The following PTCH1 variants were observed in gnomAD, a reference collection of about 807,000 sequenced individuals.
PTCH1 encodes the protein patched 1.
A neutral mutation model predicts 144.6 loss-of-function variants in PTCH1; 14 were observed. The ratio of observed to expected loss-of-function variants is 0.10; its 90% CI spans 0.06 to 0.15. The LOEUF (loss-of-function observed/expected upper bound fraction) is 0.15. Ranked by LOEUF, PTCH1 falls within the 10% of genes least tolerant of loss-of-function variation. The pLI is 1.00. For missense variants in PTCH1, 1,623 were observed against 1,948.3 expected (o/e 0.83, Z 3.14); for synonymous variants, 833 against 793.6 (o/e 1.05, Z -0.83).
rs376799601 is a variant in PTCH1 at position 95,467,347 on chromosome 9, G to C, written c.2329C>G (p.Leu777Val). Residue 777 changes from leucine to valine, a missense_variant, in exon 15 of 24, where the codon CTT becomes GTT. Transcript: ENST00000331920. ...GTTRVRDGLD[L>V]TDIVPRETRE... ...GTTTCCCGAGGTACAATGTCCGTAA[G>C]GTCCAGCCCGTCTCTCACTCGGGTG... The C allele has an allele frequency of 6.2e-7, 1 of 1,614,204 alleles. No individual in the cohort carries two copies. Among genetic ancestry groups the C allele is most frequent in the Admixed American group, 1.7e-5 (1 of 60,030 alleles).
At chr9:95,488,480 A>G (rs1338856518) in intron 2 of PTCH1, among the ~76,000 whole-genome samples, 2 of 152,226 alleles carry the variant, frequency 1.3e-5, no homozygotes, top group East Asian at 3.8e-4. Context: ...ATTTTATCTA[A>G]TATTTCATCT....
intron 15 of PTCH1, 63 bp from the exon 16 acceptor site, chr9:95,462,061 G>A (rs2274691): frequency 2.5e-6 from 4 of 1,602,572 alleles, no homozygotes; most frequent in East Asian, 2.2e-5. Context: ...TGGTCCTAGC[G>A]GGGTGGGCTG....
In PTCH1 at chr9:95,509,202, G is replaced by A. The variant is rs1844008530; in HGVS notation, c.-841C>T. Among the ~76,000 whole-genome samples the A allele has an allele frequency of 6.7e-6, 1 of 149,838 alleles. No homozygotes were observed. Among genetic ancestry groups the A allele is most frequent in the Non-Finnish European group, 1.5e-5 (1 of 67,566 alleles). On this transcript the variant is annotated 5_prime_UTR_variant, in exon 1 of 24. Transcript: ENST00000331920. Reference sequence around the variant, plus strand: ...AGCTCCTTGATTCAATAGATGAGATGGAAGAAGAAAAAAAAGAACTCTCTC... The same window carrying A: ...AGCTCCTTGATTCAATAGATGAGATAGAAGAAGAAAAAAAAGAACTCTCTC...
chr9:95,450,176 GA>G (rs1838342186), intron 20 of PTCH1: 1 of 544,646 alleles, frequency 1.8e-6, no homozygotes, highest in Non-Finnish European at 3.3e-6. Context: ...TTCATGAAGG[GA>G]AGAAAAAAAA....
rs536440590 is a variant in PTCH1, at chr9:95,447,303, G to C, written c.3953C>G (p.Pro1318Arg). The change falls in exon 23 of 24, where the codon CCG becomes CGG. Residue 1318 changes from proline (P) to arginine (R), a missense_variant. Physicochemically the swap from Pro to Arg is moderately radical, Grantham distance 103 (BLOSUM62 -2). Around this residue, in one of 7 missense-constraint regions of PTCH1, gnomAD observed 291 missense variants for 287.4 expected, o/e 1.01. Transcript: ENST00000331920. ...AGAAATTTCAAAAGCGTCTCTGCGCGGTCTGTAGGGGGGTGGCCACAAGCC... is the reference window on the plus strand; with the variant it reads ...AGAAATTTCAAAAGCGTCTCTGCGCCGTCTGTAGGGGGGTGGCCACAAGCC... ...REGLWPPPYR[P>R]RRDAFEISTE... 2.4e-5 allele frequency: 38 copies of C among 1,613,044 alleles called. No homozygotes were observed. Among genetic ancestry groups the C allele is most frequent in the African/African-American group, 9.3e-5 (7 of 74,940 alleles).
intron 22 of PTCH1, among the ~76,000 whole-genome samples, chr9:95,448,093 C>T (rs1447307579): frequency 6.6e-6 from 1 of 152,182 alleles, no homozygotes; most frequent in Non-Finnish European, 1.5e-5. Context: ...GTCTCTGCGT[C>T]TCTATACAAA....
rs758229027 is a variant in PTCH1, at chr9:95,449,108, G to A, written c.3765C>T (p.Ile1255=). The A allele has an allele frequency of 1.4e-5, 23 of 1,614,096 alleles. No individual in the cohort carries two copies. Among genetic ancestry groups the A allele is most frequent in the East Asian group, 4.5e-5 (2 of 44,888 alleles). Residue 1255 remains isoleucine (I), a synonymous_variant, in exon 22 of 24, where the codon ATC becomes ATT. Coordinates refer to ENST00000331920, the MANE Select transcript of PTCH1 (RefSeq NM_000264.5). This position sits in a 1 kb window ranked among gnomAD's most constrained non-coding sequence, Gnocchi z 5.3. The part of the protein sequence containing the change: ...QGAGGPAHQV[I]VEATENPVFA... ...AGACGGGGTTTTCTGTGGCTTCCAC[G>A]ATCACTTGGTGGGCAGGGCCTCCCG...
intron 2 of PTCH1, among the ~76,000 whole-genome samples, chr9:95,499,149 G>GT (rs1393743266): frequency 6.6e-6 from 1 of 152,034 alleles, no homozygotes; most frequent in Non-Finnish European, 1.5e-5. Context: ...TGGCGGTGTG[G>GT]TATGGGTTGA....
chr9:95,509,506 G>A (rs1844028364), upstream of PTCH1, among the ~76,000 whole-genome samples: 1 of 152,238 alleles, frequency 6.6e-6, no homozygotes, highest in Non-Finnish European at 1.5e-5. Context: ...CTTCTCGCAT[G>A]CAATACTTCC....
chr9:95,508,358 C>A lies in PTCH1; in HGVS notation c.4G>T (p.Ala2Ser). M[A>S]SAGNAAEPQD... ...GGCTCGGCGGCGTTACCAGCCGAGGCCATGTTGCCGCCGCCGCCGCCGCCG... is the reference window on the plus strand; with the variant it reads ...GGCTCGGCGGCGTTACCAGCCGAGGACATGTTGCCGCCGCCGCCGCCGCCG... Residue 2 changes from alanine to serine, a missense_variant, in exon 1 of 24, where the codon GCC (alanine) becomes TCC (serine). Transcript: ENST00000331920. 8.4e-7 allele frequency: 1 copy of A among 1,194,850 alleles called. No individual in the cohort carries two copies. Among genetic ancestry groups the A allele is most frequent in the East Asian group, 3.5e-5 (1 of 28,822 alleles). The allele number at this position is 1,194,850 out of a possible 1,614,324, so 74.0% of individuals were successfully genotyped here. A position where few individuals can be genotyped will look rare whatever the true frequency, so the allele number is the denominator to read the frequency against.
At chr9:95,497,169 A>G (rs1371237053) in intron 2 of PTCH1, among the ~76,000 whole-genome samples, 2 of 152,166 alleles carry the variant, frequency 1.3e-5, no homozygotes, top group African/African-American at 4.8e-5. Context: ...CTAACTCACA[A>G]AACATGTTCG....
At chr9:95,503,876 C>A (rs1276230575) in intron 2 of PTCH1, among the ~76,000 whole-genome samples, 9 of 113,348 alleles carry the variant, frequency 7.9e-5, no homozygotes, top group Non-Finnish European at 1.4e-4. Flanking sequence ...ATTAGCCGGG[C>A]GCGGTGGCGG....
Position 95,446,960 on chromosome 9 carries a change from C to A in PTCH1, c.4296G>T (p.Leu1432=), listed in dbSNP as rs1554688070. 1.2e-6 allele frequency: 2 copies of A among 1,614,204 alleles called. No individual in the cohort carries two copies. The highest frequency in any genetic ancestry group is 2.2e-5 in the East Asian group (1 of 44,878). ...RRDSKVEVIE[L]QDVECEERPR... is the part of the protein sequence containing the mutation. Reference sequence around the variant, plus strand: ...GCCTCTCCTCGCATTCCACGTCCTGCAGCTCAATGACTTCCACCTTCGAAT... The same window carrying A: ...GCCTCTCCTCGCATTCCACGTCCTGAAGCTCAATGACTTCCACCTTCGAAT... Residue 1432 remains leucine (L), a synonymous_variant, in exon 23 of 24, where the codon CTG becomes CTT. Coordinates refer to ENST00000331920, the MANE Select transcript of PTCH1 (RefSeq NM_000264.5).
At chr9:95,471,237 A>G (rs1297421410) in intron 12 of PTCH1, among the ~76,000 whole-genome samples, 1 of 152,230 alleles carries the variant, frequency 6.6e-6, no homozygotes, top group Non-Finnish European at 1.5e-5. Flanking sequence ...GAGAACTTCC[A>G]CAAAGGGCTT....
At chr9:95,506,153 G>GCGCCCCCGTCC (rs997635857) in intron 2 of PTCH1, 7 of 268,650 alleles carry the variant, frequency 2.6e-5, no homozygotes, top group African/African-American at 9.2e-5. Context: ...GAGGGGCCCC[G>GCGCCCCCGTCC]CGCCCCCGTC....
At chr9:95,452,329 A>ACACACACACACC (rs1491469834) in intron 20 of PTCH1, 1 of 31,290 alleles carries the variant, frequency 3.2e-5, no homozygotes, top group Non-Finnish European at 5.3e-5. Context: ...TCTCTCTCTG[A>ACACACACACACC]CACACACACA....
chr9:95,501,638 T>G (rs1404068394), intron 2 of PTCH1, among the ~76,000 whole-genome samples: 1 of 151,876 alleles, frequency 6.6e-6, no homozygotes, highest in Non-Finnish European at 1.5e-5. Flanking sequence ...TATGGATTCA[T>G]TACAAGGCTG....
chr9:95,488,460 A>T (rs1030635218), intron 2 of PTCH1, among the ~76,000 whole-genome samples: 1 of 152,254 alleles, frequency 6.6e-6, no homozygotes, highest in African/African-American at 2.4e-5. Flanking sequence ...TTTACATATT[A>T]TATGGTTATA....
intron 8 of PTCH1, 109 bp from the exon 9 acceptor site, chr9:95,478,295 A>AT: frequency 6.5e-7 from 1 of 1,528,868 alleles, no homozygotes; most frequent in Non-Finnish European, 9.0e-7. Context: ...TTTCTGATGC[A>AT]TTTTTTAAAA....
Sources: gnomAD v4.1 joint callset for allele counts (sites outside exome capture counted in the v4.1 genomes callset) on GRCh38, gnomAD v4.1.1 for gene constraint, gnomAD v4.1.1 regional missense constraint, Gnocchi (gnomAD v3.1) non-coding constraint, MANE v1.5 for transcripts, NCBI Gene and HGNC (gene_info 2026-07-23, HGNC 2026-07-21) for gene names.